The following GALNT13 variants were observed in gnomAD, a reference collection of about 807,000 sequenced individuals.
GALNT13 encodes UDP-GalNAc:polypeptide N-acetylgalactosaminyltransferase 13.
A neutral mutation model predicts 64.2 loss-of-function variants in GALNT13; 28 were observed. The ratio of observed to expected loss-of-function variants is 0.44; its 90% CI spans 0.32 to 0.60. The LOEUF is 0.60. Among genes scored for constraint, GALNT13 ranks in the 20% least tolerant of loss-of-function variants. The probability of loss-of-function intolerance (pLI) is 0.05; values close to 1 mark genes in which losing one functional copy is unlikely to be tolerated. For synonymous variants in GALNT13, 214 were observed against 224.6 expected (o/e 0.95, Z 0.42); for missense variants, 577 against 669.8 (o/e 0.86, Z 1.53).
intron 3 of GALNT13, among the ~76,000 whole-genome samples, chr2:154,004,566 A>C (rs1467417498): frequency 6.6e-6 from 1 of 152,172 alleles, no homozygotes; most frequent in Non-Finnish European, 1.5e-5. Flanking sequence ...ACTTAAAATG[A>C]ATATGAGTCA....
At chr2:154,251,987 A>G (rs1690093717) in intron 7 of GALNT13, among the ~76,000 whole-genome samples, 1 of 152,208 alleles carries the variant, frequency 6.6e-6, no homozygotes, top group South Asian at 2.1e-4. Flanking sequence ...AAATGTAAAA[A>G]AAACCTTATT....
the GALNT13 span, among the ~76,000 whole-genome samples, chr2:153,840,661 T>G: frequency 6.6e-6 from 1 of 152,166 alleles, no homozygotes; most frequent in African/African-American, 2.4e-5. Context: ...GAAAATACCC[T>G]GATGCTTATA....
At chr2:153,326,431 G>A in the GALNT13 span, among the ~76,000 whole-genome samples, 1 of 151,296 alleles carries the variant, frequency 6.6e-6, no homozygotes, top group Admixed American at 6.6e-5. Context: ...GTTCCTGACT[G>A]TTTATCCAAT....
chr2:153,993,162 A>T (rs1695275735), intron 3 of GALNT13, among the ~76,000 whole-genome samples: 1 of 152,122 alleles, frequency 6.6e-6, no homozygotes. Flanking sequence ...AAATCACAGA[A>T]AATTATCAAG....
At chr2:153,904,373 T>C (rs966190915) in intron 2 of GALNT13, among the ~76,000 whole-genome samples, 1 of 151,974 alleles carries the variant, frequency 6.6e-6, no homozygotes, top group Non-Finnish European at 1.5e-5. Flanking sequence ...TCATATTGCA[T>C]GCAATCTTTC....
chr2:153,140,691 A>G, the GALNT13 span, among the ~76,000 whole-genome samples: 3 of 152,058 alleles, frequency 2.0e-5, no homozygotes, highest in Admixed American at 2.0e-4. Flanking sequence ...AACCACCACA[A>G]GGAACTTTGC....
chr2:153,848,549 T>G, the GALNT13 span, among the ~76,000 whole-genome samples: 1 of 152,144 alleles, frequency 6.6e-6, no homozygotes, highest in East Asian at 1.9e-4. Context: ...TATCAAAAGT[T>G]GCTTCTTTGA....
chr2:154,233,037 C>CAAAAAA (rs375484057), intron 4 of GALNT13, among the ~76,000 whole-genome samples: 68 of 56,638 alleles, frequency 1.2e-3, no homozygotes, highest in Admixed American at 1.6e-3. Flanking sequence ...GACCCTGTCT[C>CAAAAAA]AAAAAAAAAA....
chr2:154,213,722 G>A (rs1472664001), intron 4 of GALNT13, among the ~76,000 whole-genome samples: 1 of 152,082 alleles, frequency 6.6e-6, no homozygotes, highest in African/African-American at 2.4e-5. Flanking sequence ...TTTTCTGAAA[G>A]AAGGGAGTGG....
chr2:153,135,067 G>C, the GALNT13 span, among the ~76,000 whole-genome samples: 1 of 152,104 alleles, frequency 6.6e-6, no homozygotes, highest in Non-Finnish European at 1.5e-5. Flanking sequence ...TTCTCCTGCT[G>C]TTCTGGAGAC....
chr2:153,073,732 G>T, the GALNT13 span, among the ~76,000 whole-genome samples: 4 of 152,204 alleles, frequency 2.6e-5, no homozygotes, highest in Non-Finnish European at 5.9e-5. Flanking sequence ...TTCAGTTAAT[G>T]ATTACATTTT....
the GALNT13 span, among the ~76,000 whole-genome samples, chr2:153,071,507 A>G: frequency 1.3e-5 from 2 of 152,200 alleles, no homozygotes; most frequent in African/African-American, 4.8e-5. Context: ...GTTGAGCAAT[A>G]ACCAATGTGG....
chr2:153,832,237 G>A, the GALNT13 span, among the ~76,000 whole-genome samples: 1 of 152,096 alleles, frequency 6.6e-6, no homozygotes, highest in Admixed American at 6.5e-5. Context: ...AAAGGACAAG[G>A]AAGATCACAG....
the GALNT13 span, among the ~76,000 whole-genome samples, chr2:153,203,599 A>C: frequency 6.6e-6 from 1 of 152,140 alleles, no homozygotes; most frequent in Non-Finnish European, 1.5e-5. Context: ...CAGGGACTCA[A>C]ATGTAGGCTA....
chr2:153,995,727 T>A (rs1695480460), intron 3 of GALNT13, among the ~76,000 whole-genome samples: 1 of 152,138 alleles, frequency 6.6e-6, no homozygotes. Flanking sequence ...TACATTGCTA[T>A]TAGCTAAAGT....
chr2:154,088,895 C>T (rs533962883), intron 3 of GALNT13, among the ~76,000 whole-genome samples: 9 of 152,206 alleles, frequency 5.9e-5, no homozygotes, highest in African/African-American at 2.2e-4. Flanking sequence ...ATAAATTTAT[C>T]CAGAGTCTGA....
At chr2:154,133,863 A>C (rs1444504714) in intron 3 of GALNT13, among the ~76,000 whole-genome samples, 2 of 151,968 alleles carry the variant, frequency 1.3e-5, no homozygotes, top group Admixed American at 1.3e-4. Flanking sequence ...TAGCAAAATA[A>C]AGTTGTTGTT....
intron 4 of GALNT13, among the ~76,000 whole-genome samples, chr2:154,232,809 G>A (rs1401028182): frequency 1.3e-5 from 2 of 151,532 alleles, no homozygotes; most frequent in African/African-American, 4.8e-5. Flanking sequence ...GAGGTGGGCA[G>A]ATTGCTTGAG....
intron 8 of GALNT13, among the ~76,000 whole-genome samples, chr2:154,260,047 TA>T: frequency 6.6e-6 from 1 of 151,980 alleles, no homozygotes; most frequent in African/African-American, 2.4e-5. Context: ...TACTCCTAGC[TA>T]TTTGTTTTTC....
Sources: allele counts gnomAD v4.1 joint callset (sites outside exome capture counted in the v4.1 genomes callset), GRCh38; gene constraint gnomAD v4.1.1; transcripts MANE v1.5; gene names NCBI Gene and HGNC (gene_info 2026-07-23, HGNC 2026-07-21).